GRIK1: variants seen among roughly 807,000 people sequenced by gnomAD.
GRIK1 encodes the protein glutamate receptor ionotropic, kainate 1.
GRIK1 carries 69 observed loss-of-function variants against 105.7 expected under a neutral mutation model. That is an observed-to-expected ratio of 0.65 (90% CI 0.54 to 0.80). The LOEUF (loss-of-function observed/expected upper bound fraction) is 0.80. GRIK1 is among the 30% of genes least tolerant of loss of function. GRIK1 has a pLI of 0.00. For missense variants in GRIK1, 1,109 were observed against 1,167.3 expected, an observed-to-expected ratio of 0.95 and a Z score of 0.73; for synonymous variants, 438 against 431.3, an observed-to-expected ratio of 1.02 and a Z score of -0.19.
At chr21:29,663,251 G>A (rs1402338724) in intron 4 of GRIK1, among the ~76,000 whole-genome samples, 1 of 152,196 alleles carries the variant, frequency 6.6e-6, no homozygotes, top group Non-Finnish European at 1.5e-5. Context: ...GCTGGAGTTT[G>A]AGATCCCAAA....
At chr21:29,560,467 TC>T (rs1601113955) in intron 15 of GRIK1, among the ~76,000 whole-genome samples, 6 of 129,598 alleles carry the variant, frequency 4.6e-5, no homozygotes, top group Non-Finnish European at 6.5e-5. Context: ...TTCCTTCCTT[TC>T]CTTTCTCTCT....
At chr21:29,875,971 T>A (rs2069176631) in intron 1 of GRIK1, among the ~76,000 whole-genome samples, 1 of 152,216 alleles carries the variant, frequency 6.6e-6, no homozygotes, top group Admixed American at 6.5e-5. Context: ...ACACTCTACT[T>A]AATGCAAGCA....
intron 16 of GRIK1, among the ~76,000 whole-genome samples, chr21:29,546,202 C>T (rs1012943015): frequency 6.6e-6 from 1 of 152,222 alleles, no homozygotes; most frequent in Non-Finnish European, 1.5e-5. Context: ...TCAAGTCTTC[C>T]AGTCCACTGG....
At chr21:29,721,742 C>G (rs1211371995) in intron 1 of GRIK1, among the ~76,000 whole-genome samples, 1 of 152,182 alleles carries the variant, frequency 6.6e-6, no homozygotes, top group Non-Finnish European at 1.5e-5. Context: ...TCTCTGACTG[C>G]AGTGAGAAAG....
chr21:29,743,729 T>G (rs2064984623), intron 1 of GRIK1, among the ~76,000 whole-genome samples: 1 of 152,062 alleles, frequency 6.6e-6, no homozygotes, highest in Non-Finnish European at 1.5e-5. Flanking sequence ...AATAATATTT[T>G]GTTTTATTTT....
intron 16 of GRIK1, among the ~76,000 whole-genome samples, chr21:29,539,012 A>G (rs1272743417): frequency 1.3e-5 from 2 of 152,160 alleles, no homozygotes; most frequent in African/African-American, 2.4e-5. Context: ...TCTTTTAAGC[A>G]TAAGTGTTTA....
chr21:29,628,728 T>A lies in GRIK1; in HGVS notation c.1098+14098A>T, dbSNP rs1415421645. On this transcript the variant is annotated intron_variant, in intron 7 of 17. Coordinates refer to ENST00000327783, the MANE Select transcript of GRIK1 (RefSeq NM_001330994.2). ...GAAGTGGGTGGGAATGGGGCTCTTG[T>A]CTAATTAGCTAGATAATGTGGTCAA... is the stretch of plus-strand genomic sequence containing the variant. 2.6e-5 allele frequency among the ~76,000 whole-genome samples: 4 copies of A among 152,358 alleles called. No homozygotes were observed. In the East Asian group the frequency reaches 7.7e-4, roughly 29 times the overall value.
intron 16 of GRIK1, among the ~76,000 whole-genome samples, chr21:29,546,398 C>T (rs1422168724): frequency 1.3e-5 from 2 of 152,224 alleles, no homozygotes; most frequent in African/African-American, 2.4e-5. Context: ...CAAGTCTTAT[C>T]ACCTCCTGGC....
chr21:29,821,121 C>T (rs1177538848), intron 1 of GRIK1, among the ~76,000 whole-genome samples: 1 of 151,724 alleles, frequency 6.6e-6, no homozygotes. Context: ...TAACAGCCTA[C>T]TGTTGACCAA....
chr21:29,871,990 C>G (rs2069029535), intron 1 of GRIK1, among the ~76,000 whole-genome samples: 1 of 151,484 alleles, frequency 6.6e-6, no homozygotes, highest in Non-Finnish European at 1.5e-5. Context: ...TCTTGAACTC[C>G]TGAGCTCAAG....
chr21:29,778,918 A>C (rs764400086), intron 1 of GRIK1, among the ~76,000 whole-genome samples: 13 of 152,190 alleles, frequency 8.5e-5, no homozygotes, highest in Non-Finnish European at 1.2e-4. Context: ...GGCTTTTCGA[A>C]AAAAAGGGAA....
At position 29,863,304 on chromosome 21, in the gene GRIK1, C is replaced by T. The variant is rs561787034; in HGVS notation, c.118+76079G>A. ...GTGGAGGTCCAAAAACCATATATCA[C>T]GTGTGTCAACAGCACCCCAAAACTT... On this transcript the variant is annotated intron_variant, in intron 1 of 17. Coordinates refer to ENST00000327783, the MANE Select transcript of GRIK1 (RefSeq NM_001330994.2). Among the ~76,000 whole-genome samples, 19 of 152,244 alleles carry T rather than the reference C, an allele frequency of 1.2e-4. 1 individual carries two copies. Among genetic ancestry groups the T allele is most frequent in the South Asian group, 1.2e-3 (6 of 4,826 alleles).
chr21:29,806,331 C>A (rs966911986), intron 1 of GRIK1, among the ~76,000 whole-genome samples: 1 of 151,940 alleles, frequency 6.6e-6, no homozygotes, highest in East Asian at 1.9e-4. Flanking sequence ...CAATAACAAA[C>A]CAATTATCCA....
At chr21:29,668,161 G>T (rs1427742786) in intron 4 of GRIK1, among the ~76,000 whole-genome samples, 1 of 152,186 alleles carries the variant, frequency 6.6e-6, no homozygotes, top group Non-Finnish European at 1.5e-5. Flanking sequence ...GTCAAATGTA[G>T]TAGGTGCTAG....
intron 7 of GRIK1, among the ~76,000 whole-genome samples, chr21:29,616,368 C>A (rs1399637062): frequency 6.6e-6 from 1 of 152,144 alleles, no homozygotes; most frequent in Non-Finnish European, 1.5e-5. Context: ...CTTTATCATT[C>A]TTTGACAGGC....
intron 1 of GRIK1, among the ~76,000 whole-genome samples, chr21:29,775,994 T>A (rs2065934451): frequency 6.6e-6 from 1 of 152,120 alleles, no homozygotes; most frequent in Non-Finnish European, 1.5e-5. Context: ...AAACCTACAA[T>A]CATGGCGGAA....
intron 7 of GRIK1, among the ~76,000 whole-genome samples, chr21:29,607,058 G>A (rs990203249): frequency 6.6e-6 from 1 of 152,174 alleles, no homozygotes; most frequent in Non-Finnish European, 1.5e-5. Flanking sequence ...CATGAACACA[G>A]TCACGGGGAT....
intron 1 of GRIK1, among the ~76,000 whole-genome samples, chr21:29,707,437 TC>T (rs2063935196): frequency 2.0e-5 from 1 of 51,048 alleles, no homozygotes; most frequent in Admixed American, 2.0e-4. Context: ...CCTTCCTCCC[TC>T]CCTCCCTCCC....
At chr21:29,855,509 A>C (rs1337925587) in intron 1 of GRIK1, among the ~76,000 whole-genome samples, 4 of 152,250 alleles carry the variant, frequency 2.6e-5, no homozygotes, top group Non-Finnish European at 5.9e-5. Context: ...CCAGCATCTT[A>C]GACCAAGTAC....
Sources: allele counts gnomAD v4.1 joint callset (sites outside exome capture counted in the v4.1 genomes callset), GRCh38; gene constraint gnomAD v4.1.1; transcripts MANE v1.5; gene names NCBI Gene and HGNC (gene_info 2026-07-23, HGNC 2026-07-21).